The following ADGRF5 variants were observed in gnomAD, a reference collection of about 807,000 sequenced individuals.
The protein encoded by ADGRF5 is adhesion G protein-coupled receptor F5.
A neutral mutation model predicts 132.3 loss-of-function variants in ADGRF5; 75 were observed. The ratio of observed to expected loss-of-function variants is 0.57; its 90% CI spans 0.47 to 0.69. The LOEUF is 0.69. ADGRF5 is among the 30% of genes least tolerant of loss of function. The pLI is 0.00. For missense variants in ADGRF5, 1,516 were observed against 1,630.6 expected (o/e 0.93, Z 1.21); for synonymous variants, 629 against 597.6 (o/e 1.05, Z -0.77).
At chr6:46,891,797 CT>C (rs745880530) in intron 3 of ADGRF5, among the ~76,000 whole-genome samples, 68 of 152,308 alleles carry the variant, frequency 4.5e-4, no homozygotes, top group Non-Finnish European at 7.8e-4. Flanking sequence ...GCATCAAGAA[CT>C]AAGAGGAAAG....
intron 3 of ADGRF5, among the ~76,000 whole-genome samples, chr6:46,895,887 C>T (rs1355415077): frequency 6.6e-6 from 1 of 151,976 alleles, no homozygotes; most frequent in African/African-American, 2.4e-5. Flanking sequence ...CAAGCTTCTC[C>T]TTCCAACTCT....
intron 1 of ADGRF5, among the ~76,000 whole-genome samples, chr6:46,943,892 G>C (rs2150945460): frequency 6.6e-6 from 1 of 152,218 alleles, no homozygotes; most frequent in Non-Finnish European, 1.5e-5. Flanking sequence ...CCAGACCAAG[G>C]GTACAATTCA....
At chr6:46,921,949 G>A (rs1021148265), upstream of ADGRF5, 1 of 152,200 alleles carries the variant, frequency 6.6e-6, no homozygotes, top group Non-Finnish European at 1.5e-5. Context: ...ATCCCTGAGA[G>A]CCGCGCTGCT....
At chr6:46,888,796 G>A (rs752396894) in intron 3 of ADGRF5, among the ~76,000 whole-genome samples, 3 of 152,172 alleles carry the variant, frequency 2.0e-5, no homozygotes, top group African/African-American at 7.2e-5. Context: ...ATATGTCACA[G>A]TCAGGACTCA....
chr6:46,930,371 A>C (rs899786498), intron 1 of ADGRF5, among the ~76,000 whole-genome samples: 12 of 152,020 alleles, frequency 7.9e-5, no homozygotes, highest in African/African-American at 2.7e-4. Flanking sequence ...AACTGCCCCT[A>C]CTCTGACTCA....
Position 46,936,345 on chromosome 6 carries a change from T to G in ADGRF5, c.-25+18389A>C, listed in dbSNP as rs988129204. On this transcript the variant is annotated intron_variant, in intron 1 of 20. Coordinates refer to the ADGRF5 transcript ENST00000265417. ...CTTTGTGGTTTCGCTGTTGGTCATA[T>G]GGTGCTGAGGTCCTTACTGTATCTT... is the stretch of plus-strand genomic sequence containing the variant. 1.3e-5 allele frequency among the ~76,000 whole-genome samples: 2 copies of G among 152,340 alleles called. 1 individual carries two copies. Among genetic ancestry groups the G allele is most frequent in the South Asian group, 4.1e-4 (2 of 4,826 alleles).
At chr6:46,874,579 A>G (rs1262968761) in intron 10 of ADGRF5, among the ~76,000 whole-genome samples, 2 of 152,214 alleles carry the variant, frequency 1.3e-5, no homozygotes, top group African/African-American at 4.8e-5. Context: ...AGGCCTTAAC[A>G]GACATTCAGG....
intron 14 of ADGRF5, among the ~76,000 whole-genome samples, 174 bp downstream of exon 14, chr6:46,864,868 C>T (rs910479709): frequency 4.6e-5 from 7 of 152,150 alleles, no homozygotes; most frequent in Non-Finnish European, 1.0e-4. Flanking sequence ...AGGCTTGAGG[C>T]CAGGGGACAT....
intron 3 of ADGRF5, among the ~76,000 whole-genome samples, chr6:46,899,253 G>T (rs181868344): frequency 1.9e-4 from 29 of 152,136 alleles, no homozygotes; most frequent in African/African-American, 6.3e-4. Context: ...AAGGAGATCA[G>T]GTGGGAAAGG....
chr6:46,859,424 G>A lies in ADGRF5; in HGVS notation c.2479C>T (p.His827Tyr), dbSNP rs1769468625. 6.2e-7 allele frequency: 1 copy of A among 1,612,570 alleles called. No homozygotes were observed. The highest frequency in any genetic ancestry group is 8.5e-7 in the Non-Finnish European group (1 of 1,178,574). Reference protein sequence around the residue: ...QWTNQSSQLLHSVERFSQALQ... With the variant: ...QWTNQSSQLLYSVERFSQALQ... Reference sequence around the variant, plus strand: ...GCTTGGGAAAATCTTTCCACTGAATGTAGTAGCTGTGAACTCTGATTGGTC... The same window carrying A: ...GCTTGGGAAAATCTTTCCACTGAATATAGTAGCTGTGAACTCTGATTGGTC... The change falls in exon 17 of 21, where the codon CAT becomes TAT. Residue 827 changes from histidine (H) to tyrosine (Y), a missense_variant. Physicochemically the swap from His to Tyr is moderately conservative, Grantham distance 83 (BLOSUM62 2). Transcript: ENST00000283296.
intron 1 of ADGRF5, among the ~76,000 whole-genome samples, chr6:46,947,493 A>T (rs1270769715): frequency 6.6e-6 from 1 of 152,242 alleles, no homozygotes; most frequent in African/African-American, 2.4e-5. Context: ...CACCACTACC[A>T]AAACCCAAAC....
At chr6:46,865,819 T>C (rs1770348244) in intron 13 of ADGRF5, among the ~76,000 whole-genome samples, 1 of 152,266 alleles carries the variant, frequency 6.6e-6, no homozygotes, top group African/African-American at 2.4e-5. Flanking sequence ...TCTATTTGGA[T>C]ATTTTATATT....
At chr6:46,948,868 G>A (rs1260801787) in intron 1 of ADGRF5, among the ~76,000 whole-genome samples, 4 of 152,124 alleles carry the variant, frequency 2.6e-5, no homozygotes, top group East Asian at 3.9e-4. Flanking sequence ...TACTCTAGGC[G>A]GGGTTAACAT....
At chr6:46,912,271 T>C (rs1776018733) in intron 1 of ADGRF5, among the ~76,000 whole-genome samples, 1 of 152,194 alleles carries the variant, frequency 6.6e-6, no homozygotes, top group Non-Finnish European at 1.5e-5. Flanking sequence ...TTGTGGAAGA[T>C]ATTCCAGGGG....
At chr6:46,863,306 G>A (rs779683772) in intron 14 of ADGRF5, 43 of 663,906 alleles carry the variant, frequency 6.5e-5, no homozygotes, top group South Asian at 6.3e-4. Context: ...TCTGTAATCG[G>A]AACTTCCTTT....
At position 46,878,383 on chromosome 6, in the gene ADGRF5, T is replaced by C. The variant is rs747040956; in HGVS notation, c.1059A>G (p.Ile353Met). ...GDAGEYVCKL[I>M]LDIFEYECKK... ...TGCACTCATATTCAAAAATGTCTAATATCAGTTTGCAAACATATTCACCTG... is the reference window on the plus strand; with the variant it reads ...TGCACTCATATTCAAAAATGTCTAACATCAGTTTGCAAACATATTCACCTG... The change falls in exon 10 of 21, where the codon ATA (isoleucine) becomes ATG (methionine). Residue 353 changes from isoleucine (I) to methionine (M), a missense_variant. Around this residue, in one of 2 missense-constraint regions of ADGRF5, gnomAD observed 945 missense variants for 929.4 expected, o/e 1.02. Transcript: ENST00000283296. The C allele has an allele frequency of 6.2e-7, 1 of 1,606,596 alleles. No homozygotes were observed. The highest frequency in any genetic ancestry group is 1.1e-5 in the South Asian group (1 of 90,886).
intron 1 of ADGRF5, among the ~76,000 whole-genome samples, chr6:46,950,299 C>T (rs9381495): frequency 0.33 from 50,412 of 152,046 alleles, 10,212 homozygotes; most frequent in East Asian, 0.48. Flanking sequence ...AAATCTGTTG[C>T]GCTATAATTT....
intron 1 of ADGRF5, among the ~76,000 whole-genome samples, chr6:46,942,676 C>T (rs1415540876): frequency 6.6e-6 from 1 of 152,194 alleles, no homozygotes; most frequent in Non-Finnish European, 1.5e-5. Context: ...GAGAAGCCTG[C>T]ACATAGGACA....
Position 46,859,373 on chromosome 6 carries a change from A to G in ADGRF5, c.2530T>C (p.Leu844=), listed in dbSNP as rs1769458737. 6.2e-7 allele frequency: 1 copy of G among 1,613,774 alleles called. No individual in the cohort carries two copies. The highest frequency in any genetic ancestry group is 8.5e-7 in the Non-Finnish European group (1 of 1,179,816). The part of the protein sequence containing the change: ...QALQSGDSPP[L]SFSQTNVQMS... ...TGCACATTAGTTTGGGAGAAGGACA[A>G]AGGAGGGCTATCTCCCGACTGTAAT... Residue 844 remains leucine (L), a synonymous_variant, in exon 17 of 21, where the codon TTG becomes CTG. Coordinates refer to ENST00000283296, the MANE Select transcript of ADGRF5 (RefSeq NM_001098518.2).
Sources: allele counts gnomAD v4.1 joint callset (sites outside exome capture counted in the v4.1 genomes callset), GRCh38; gene constraint gnomAD v4.1.1; regional missense constraint gnomAD v4.1.1; transcripts MANE v1.5; gene names NCBI Gene and HGNC (gene_info 2026-07-23, HGNC 2026-07-21).